The following SND1 variants were observed in gnomAD, a reference collection of about 807,000 sequenced individuals.
The protein encoded by SND1 is staphylococcal nuclease domain-containing protein 1.
SND1 carries 38 observed loss-of-function variants against 121.7 expected under a neutral mutation model. The ratio of observed to expected loss-of-function variants is 0.31; its 90% CI spans 0.24 to 0.41. SND1 has a LOEUF of 0.41. SND1 is among the 10% of genes least tolerant of loss of function. The pLI, the probability that SND1 is intolerant of heterozygous loss-of-function variation, is 1.00. For synonymous variants in SND1, 401 were observed against 447.4 expected (o/e 0.90, Z 1.31); for missense variants, 868 against 1,184.6 (o/e 0.73, Z 3.92).
At chr7:127,922,919 G>A (rs1800749164) in intron 14 of SND1, among the ~76,000 whole-genome samples, 1 of 152,214 alleles carries the variant, frequency 6.6e-6, no homozygotes, top group Non-Finnish European at 1.5e-5. Context: ...TCAACATGGT[G>A]CAGGCCTGAG....
rs371970441 is a variant in SND1 at position 127,693,238 on chromosome 7, TTGGTGAC to T, written c.229-1585_229-1579del. On this transcript the variant is annotated intron_variant, in intron 2 of 23. Coordinates refer to ENST00000354725, the MANE Select transcript of SND1 (RefSeq NM_014390.4). ...GATCATTTGTCAATCATCAGACTCT[TTGGTGAC>T]TGGTATCTGATTTTATTTTTGGAGA... is the stretch of plus-strand genomic sequence containing the variant. Among the ~76,000 whole-genome samples the T allele has an allele frequency of 2.5e-3, 379 of 152,264 alleles. 1 individual carries two copies. Among genetic ancestry groups the T allele is most frequent in the African/African-American group, 8.7e-3 (363 of 41,540 alleles).
intron 15 of SND1, among the ~76,000 whole-genome samples, chr7:127,972,646 C>T (rs544556090): frequency 1.3e-5 from 2 of 152,204 alleles, no homozygotes; most frequent in South Asian, 2.1e-4. Flanking sequence ...GGGGCCCAAT[C>T]TCTGCTCGCC....
chr7:127,996,995 A>G (rs1218015196), intron 16 of SND1, among the ~76,000 whole-genome samples: 1 of 152,248 alleles, frequency 6.6e-6, no homozygotes, highest in African/African-American at 2.4e-5. Flanking sequence ...CTCCTGTCTT[A>G]ATAGCGATCA....
chr7:127,826,351 A>T (rs1372963024), intron 11 of SND1, among the ~76,000 whole-genome samples: 4 of 151,520 alleles, frequency 2.6e-5, no homozygotes, highest in Admixed American at 2.6e-4. Flanking sequence ...AACTATGGTG[A>T]TGTGGTTTTA....
chr7:127,936,317 C>G (rs1165162851), intron 15 of SND1, among the ~76,000 whole-genome samples: 2 of 152,262 alleles, frequency 1.3e-5, no homozygotes, highest in African/African-American at 4.8e-5. Context: ...GCCAAGATCC[C>G]TGGGCAGCCT....
chr7:127,800,462 T>C (rs1798105688), intron 10 of SND1, among the ~76,000 whole-genome samples: 1 of 152,118 alleles, frequency 6.6e-6, no homozygotes, highest in Non-Finnish European at 1.5e-5. Flanking sequence ...AAGAGTATCC[T>C]TTTTTTGAGG....
intron 10 of SND1, among the ~76,000 whole-genome samples, chr7:127,750,461 T>A (rs1247294737): frequency 6.6e-6 from 1 of 152,232 alleles, no homozygotes; most frequent in East Asian, 1.9e-4. Context: ...GTGTGTGGTA[T>A]GTTAATTACA....
chr7:127,765,343 A>G (rs1463001121), intron 10 of SND1, among the ~76,000 whole-genome samples: 1 of 152,244 alleles, frequency 6.6e-6, no homozygotes, highest in Non-Finnish European at 1.5e-5. Context: ...GTGATATGTT[A>G]GAATACAGAT....
chr7:128,048,265 CTTTTTTTTT>C (rs572752218), intron 16 of SND1, among the ~76,000 whole-genome samples: 1 of 138,732 alleles, frequency 7.2e-6, no homozygotes, highest in African/African-American at 2.6e-5. Context: ...GATTTTTTTT[CTTTTTTTTT>C]TTTTTTTCCA....
At chr7:127,669,475 C>T (rs1795477492) in intron 1 of SND1, among the ~76,000 whole-genome samples, 2 of 152,248 alleles carry the variant, frequency 1.3e-5, no homozygotes, top group African/African-American at 2.4e-5. Context: ...TCTCAATTAA[C>T]TGTTCAATAT....
intron 15 of SND1, among the ~76,000 whole-genome samples, chr7:127,950,217 T>C (rs963590136): frequency 2.6e-5 from 4 of 151,282 alleles, no homozygotes; most frequent in African/African-American, 4.8e-5. Context: ...TCCCTCCCCC[T>C]TTTTTTTTCC....
At chr7:127,944,644 A>C (rs1356141904) in intron 15 of SND1, among the ~76,000 whole-genome samples, 1 of 152,162 alleles carries the variant, frequency 6.6e-6, no homozygotes, top group East Asian at 1.9e-4. Flanking sequence ...CTAAGAATCC[A>C]ACCTTGAGAG....
chr7:128,026,551 G>A (rs1803483322), intron 16 of SND1, among the ~76,000 whole-genome samples: 1 of 152,172 alleles, frequency 6.6e-6, no homozygotes, highest in African/African-American at 2.4e-5. Context: ...TTATTACTTG[G>A]TAAGCATCAG....
intron 15 of SND1, among the ~76,000 whole-genome samples, chr7:127,948,619 A>G (rs756846996): frequency 6.6e-6 from 1 of 152,246 alleles, no homozygotes; most frequent in African/African-American, 2.4e-5. Context: ...CATCTATCCA[A>G]TTCTCAGAAG....
intron 16 of SND1, among the ~76,000 whole-genome samples, chr7:128,054,176 C>T (rs1793097603): frequency 6.6e-6 from 1 of 152,192 alleles, no homozygotes; most frequent in Admixed American, 6.5e-5. Flanking sequence ...CTTATGCAGA[C>T]CTCTGTAGAC....
intron 15 of SND1, among the ~76,000 whole-genome samples, chr7:127,953,000 C>A (rs1801497065): frequency 6.6e-6 from 1 of 151,952 alleles, no homozygotes; most frequent in Admixed American, 6.6e-5. Flanking sequence ...CCCATCTCTA[C>A]AAAAAATTTA....
chr7:127,733,901 C>G (rs1796725740), intron 10 of SND1, among the ~76,000 whole-genome samples: 1 of 152,176 alleles, frequency 6.6e-6, no homozygotes, highest in African/African-American at 2.4e-5. Context: ...AGCTTTTCCC[C>G]TAGAGTAGAG....
intron 11 of SND1, 30 bp downstream of exon 11, chr7:127,807,603 C>T (rs1798259546): frequency 1.3e-6 from 2 of 1,563,614 alleles, no homozygotes; most frequent in East Asian, 4.5e-5. Context: ...AGCATATTTG[C>T]AAGTGGTTGG....
chr7:127,703,536 AC>A (rs1562984331), intron 7 of SND1, among the ~76,000 whole-genome samples: 1 of 152,134 alleles, frequency 6.6e-6, no homozygotes, highest in East Asian at 1.9e-4. Context: ...ACATGGTGAA[AC>A]CCTGTTTCTA....
Sources: gnomAD v4.1 joint callset for allele counts (sites outside exome capture counted in the v4.1 genomes callset) on GRCh38, gnomAD v4.1.1 for gene constraint, MANE v1.5 for transcripts, NCBI Gene and HGNC (gene_info 2026-07-23, HGNC 2026-07-21) for gene names.